MECOM: variants seen among roughly 807,000 people sequenced by gnomAD.
MECOM encodes MDS1 and EVI1 complex locus.
In MECOM, 13 loss-of-function variants were observed where a neutral mutation model predicts 116.3. The observed-to-expected ratio is 0.11, with a 90% CI of 0.07 to 0.18. The LOEUF (loss-of-function observed/expected upper bound fraction) is 0.18, where lower values mean the gene tolerates loss of function less well. Among genes scored for constraint, MECOM ranks in the 10% least tolerant of loss-of-function variants. The pLI is 1.00. For missense variants in MECOM, 1,299 were observed against 1,509.0 expected (o/e 0.86, Z 2.31); for synonymous variants, 528 against 535.2 (o/e 0.99, Z 0.19).
chr3:169,267,158 T>C lies in MECOM; in HGVS notation c.375+114029A>G, dbSNP rs182829868. ...GATTGAAGGTCACACCTTACGATAC[T>C]ACAGCAGGAAGTTAGAAGGATCCAG... On this transcript the variant is annotated intron_variant, in intron 2 of 16. Coordinates refer to ENST00000651503, the MANE Select transcript of MECOM (RefSeq NM_004991.4). 1.2e-3 allele frequency among the ~76,000 whole-genome samples: 181 copies of C among 152,354 alleles called. 1 individual carries two copies. Among genetic ancestry groups the C allele is most frequent in the African/African-American group, 4.1e-3 (172 of 41,586 alleles).
At chr3:169,489,429 T>A (rs1405152787) in intron 1 of MECOM, among the ~76,000 whole-genome samples, 1 of 152,172 alleles carries the variant, frequency 6.6e-6, no homozygotes, top group African/African-American at 2.4e-5. Flanking sequence ...TATGGAAGAA[T>A]AAATGACTGA....
chr3:169,495,527 G>A (rs1024838095), intron 1 of MECOM, among the ~76,000 whole-genome samples: 24 of 152,188 alleles, frequency 1.6e-4, no homozygotes, highest in Admixed American at 9.8e-4. Context: ...TATATTTTTC[G>A]AAAGAATGCT....
intron 2 of MECOM, among the ~76,000 whole-genome samples, chr3:169,356,720 T>G (rs1218590917): frequency 6.6e-6 from 1 of 151,900 alleles, no homozygotes; most frequent in Non-Finnish European, 1.5e-5. Flanking sequence ...GTCCCAGGCT[T>G]TTTGTTGTCT....
At chr3:169,345,963 C>G (rs760632942) in intron 2 of MECOM, among the ~76,000 whole-genome samples, 1 of 152,078 alleles carries the variant, frequency 6.6e-6, no homozygotes, top group Non-Finnish European at 1.5e-5. Context: ...CAATAACACA[C>G]AGATGAACAA....
intron 2 of MECOM, among the ~76,000 whole-genome samples, chr3:169,344,355 T>C (rs1436745932): frequency 2.6e-5 from 4 of 152,158 alleles, no homozygotes; most frequent in Non-Finnish European, 5.9e-5. Context: ...GTAAACCTTC[T>C]CTATATTTTG....
At chr3:169,434,903 T>C (rs1742384511) in intron 1 of MECOM, among the ~76,000 whole-genome samples, 1 of 152,218 alleles carries the variant, frequency 6.6e-6, no homozygotes, top group Admixed American at 6.5e-5. Context: ...TACATCATTT[T>C]ATAGTTATAA....
intron 2 of MECOM, among the ~76,000 whole-genome samples, chr3:169,353,458 C>G (rs1252369648): frequency 6.6e-6 from 1 of 151,658 alleles, no homozygotes; most frequent in African/African-American, 2.4e-5. Flanking sequence ...AAAAATGTTT[C>G]CAAATGGAGG....
rs965293548 is a variant in MECOM, at chr3:169,389,720, A to G, written c.38-8196T>C. 10 of 271,008 alleles carry G rather than the reference A, an allele frequency of 3.7e-5. No homozygotes were observed. The South Asian group carries it at 4.2e-4, about 11-fold the overall frequency. 16.8% of individuals were successfully genotyped at this position (271,008 alleles called of 1,614,324 possible). On this transcript the variant is annotated intron_variant, in intron 1 of 16. Transcript: ENST00000651503. ...AATGACCAGAGTACAGCCTTTCAGTATTCCAGCCATATCTACAGTAATTAT... is the reference window on the plus strand; with the variant it reads ...AATGACCAGAGTACAGCCTTTCAGTGTTCCAGCCATATCTACAGTAATTAT...
At chr3:169,181,255 C>A (rs1271669600) in intron 2 of MECOM, among the ~76,000 whole-genome samples, 1 of 152,072 alleles carries the variant, frequency 6.6e-6, no homozygotes, top group Non-Finnish European at 1.5e-5. Flanking sequence ...CCTATGCTGC[C>A]TAATACGGCA....
At chr3:169,138,160 T>A (rs1048177638) in intron 3 of MECOM, among the ~76,000 whole-genome samples, 1 of 152,138 alleles carries the variant, frequency 6.6e-6, no homozygotes, top group African/African-American at 2.4e-5. Context: ...ATGACTTTTA[T>A]ATGCCCTCCC....
intron 3 of MECOM, among the ~76,000 whole-genome samples, chr3:169,137,135 A>G (rs1736596624): frequency 1.3e-5 from 2 of 152,210 alleles, no homozygotes; most frequent in South Asian, 4.1e-4. Context: ...TTCATTCAAT[A>G]TACTTTCTGA....
At chr3:169,402,645 G>A (rs559643992) in intron 1 of MECOM, among the ~76,000 whole-genome samples, 39 of 151,888 alleles carry the variant, frequency 2.6e-4, no homozygotes, top group Non-Finnish European at 5.3e-4. Flanking sequence ...AACAGAATGA[G>A]ACTCTGTCTC....
intron 1 of MECOM, among the ~76,000 whole-genome samples, chr3:169,645,627 A>G (rs1774081984): frequency 6.6e-6 from 1 of 152,238 alleles, no homozygotes; most frequent in Non-Finnish European, 1.5e-5. Context: ...GTCTTTCACA[A>G]TTGAAAATCT....
chr3:169,637,416 A>G (rs1022377411), intron 1 of MECOM, among the ~76,000 whole-genome samples: 6 of 152,234 alleles, frequency 3.9e-5, no homozygotes, highest in African/African-American at 1.4e-4. Flanking sequence ...ATCAGACCCA[A>G]CTTGGAGACT....
In MECOM at chr3:169,102,135, A is replaced by G; in HGVS notation, c.2696T>C (p.Met899Thr). ...ATTGGGAGGCGCCCTGAAGTTGAAC[A>G]TAGAGGGCACTGACTGTAAGAGCTC... ...ASELLQSVPSMFNFRAPPNAL... is the reference protein window; with the variant it reads ...ASELLQSVPSTFNFRAPPNAL... Residue 899 changes from methionine (M) to threonine (T), a missense_variant, in exon 11 of 17, where the codon ATG (methionine) becomes ACG (threonine). By Grantham distance (81) the Met-to-Thr change is moderately conservative. Around this residue, in one of 6 missense-constraint regions of MECOM, gnomAD observed 340 missense variants for 312.6 expected, o/e 1.09. Transcript: ENST00000651503. 6.2e-7 allele frequency: 1 copy of G among 1,613,966 alleles called. No homozygotes were observed. Among genetic ancestry groups the G allele is most frequent in the Non-Finnish European group, 8.5e-7 (1 of 1,179,914 alleles).
intron 2 of MECOM, among the ~76,000 whole-genome samples, chr3:169,309,683 C>T (rs548899297): frequency 6.6e-6 from 1 of 152,180 alleles, no homozygotes; most frequent in African/African-American, 2.4e-5. Flanking sequence ...CATATAACCA[C>T]CCATATCACA....
chr3:169,504,162 T>A (rs1233583011), intron 1 of MECOM, among the ~76,000 whole-genome samples: 1 of 113,796 alleles, frequency 8.8e-6, no homozygotes, highest in African/African-American at 3.5e-5. Context: ...TGTGTGTGTG[T>A]GTGTGTGTGT....
chr3:169,235,414 A>G (rs986776554), intron 2 of MECOM, among the ~76,000 whole-genome samples: 4 of 152,156 alleles, frequency 2.6e-5, no homozygotes, highest in Non-Finnish European at 5.9e-5. Context: ...ATGATCCATA[A>G]AGCAAATCAC....
chr3:169,533,675 GA>G (rs1758961335), intron 1 of MECOM, among the ~76,000 whole-genome samples: 1 of 149,560 alleles, frequency 6.7e-6, no homozygotes, highest in Non-Finnish European at 1.5e-5. Context: ...TTAGTTCTCT[GA>G]GAAGGAAAAA....
Sources: gnomAD v4.1 joint callset for allele counts (sites outside exome capture counted in the v4.1 genomes callset) on GRCh38, gnomAD v4.1.1 for gene constraint, gnomAD v4.1.1 regional missense constraint, MANE v1.5 for transcripts, NCBI Gene and HGNC (gene_info 2026-07-23, HGNC 2026-07-21) for gene names.